The following HYCC1 variants were observed in gnomAD, a reference collection of about 807,000 sequenced individuals.
HYCC1 encodes the protein hyccin PI4KA lipid kinase complex subunit 1, also known as hyccin.
the HYCC1 span, among the ~76,000 whole-genome samples, chr7:22,898,605 T>C: frequency 2.3e-5 from 1 of 43,012 alleles, no homozygotes; most frequent in African/African-American, 9.9e-5. Flanking sequence ...TTTTCTTTTC[T>C]TTTTTTTTTT....
At chr7:22,953,864 C>T in the HYCC1 span, among the ~76,000 whole-genome samples, 6 of 151,714 alleles carry the variant, frequency 4.0e-5, no homozygotes, top group South Asian at 4.1e-4. Flanking sequence ...CAAAATGATA[C>T]TAAAAGTATT....
At chr7:22,932,874 T>C in the HYCC1 span, among the ~76,000 whole-genome samples, 2 of 152,158 alleles carry the variant, frequency 1.3e-5, no homozygotes, top group African/African-American at 4.8e-5. Context: ...TGTAGTTAGC[T>C]AAGTTGGAGT....
At chr7:22,936,962 C>G in the HYCC1 span, 1 of 152,080 alleles carries the variant, frequency 6.6e-6, no homozygotes, top group African/African-American at 2.4e-5. Flanking sequence ...TCAAACATGT[C>G]CTGTCTCATC....
At chr7:22,931,799 A>G in the HYCC1 span, among the ~76,000 whole-genome samples, 55 of 152,220 alleles carry the variant, frequency 3.6e-4, no homozygotes, top group Non-Finnish European at 7.3e-5. Flanking sequence ...GTGGCAGTAG[A>G]GCTGACTGAA....
the HYCC1 span, chr7:22,941,842 G>C: frequency 1.3e-5 from 2 of 152,270 alleles, no homozygotes; most frequent in South Asian, 2.1e-4. Context: ...TAAAGGACTA[G>C]AGAGTTTTAA....
chr7:23,001,392 AT>A, the HYCC1 span, among the ~76,000 whole-genome samples: 2 of 152,170 alleles, frequency 1.3e-5, no homozygotes, highest in Non-Finnish European at 2.9e-5. Context: ...TCACCATGCT[AT>A]CAGCAATCCC....
the HYCC1 span, among the ~76,000 whole-genome samples, chr7:22,978,708 G>A: frequency 6.6e-6 from 1 of 152,148 alleles, no homozygotes; most frequent in African/African-American, 2.4e-5. Context: ...CGCCTCCTGA[G>A]TTTATAATTT....
chr7:22,923,285 T>C, the HYCC1 span, among the ~76,000 whole-genome samples: 1 of 152,076 alleles, frequency 6.6e-6, no homozygotes, highest in African/African-American at 2.4e-5. Flanking sequence ...TATGTAGAAA[T>C]AAAACAACAT....
chr7:22,906,261 A>G, the HYCC1 span, among the ~76,000 whole-genome samples: 2 of 151,640 alleles, frequency 1.3e-5, no homozygotes, highest in Non-Finnish European at 2.9e-5. Flanking sequence ...TAAAAGCTAG[A>G]AAAAAATGGA....
chr7:22,975,369 A>G, the HYCC1 span, among the ~76,000 whole-genome samples: 1 of 152,230 alleles, frequency 6.6e-6, no homozygotes, highest in Non-Finnish European at 1.5e-5. Context: ...TCAGGAAATC[A>G]TACCATACAT....
At chr7:23,005,319 T>C in the HYCC1 span, among the ~76,000 whole-genome samples, 2 of 152,330 alleles carry the variant, frequency 1.3e-5, no homozygotes, top group East Asian at 1.9e-4. Context: ...TAATAACATC[T>C]GTCTTTTAGG....
chr7:22,983,415 C>T, the HYCC1 span, among the ~76,000 whole-genome samples: 1,401 of 152,102 alleles, frequency 9.2e-3, 5 homozygotes, highest in Non-Finnish European at 0.014. Context: ...AGGCACTAGC[C>T]GGGCTAAACT....
the HYCC1 span, among the ~76,000 whole-genome samples, chr7:22,913,628 C>G: frequency 2.0e-5 from 3 of 152,164 alleles, no homozygotes; most frequent in Non-Finnish European, 4.4e-5. Context: ...CCCTTGTGAC[C>G]CCTGCCCCTG....
At chr7:22,981,400 C>A in the HYCC1 span, among the ~76,000 whole-genome samples, 5 of 152,106 alleles carry the variant, frequency 3.3e-5, no homozygotes, top group African/African-American at 9.7e-5. Flanking sequence ...ATAATAATAT[C>A]AACTTGTTAG....
chr7:22,929,190 TC>T, the HYCC1 span, among the ~76,000 whole-genome samples: 1 of 152,092 alleles, frequency 6.6e-6, no homozygotes, highest in African/African-American at 2.4e-5. Flanking sequence ...AAAAATTAAT[TC>T]AAGATGGATT....
the HYCC1 span, among the ~76,000 whole-genome samples, chr7:22,974,297 A>G: frequency 6.6e-6 from 1 of 152,266 alleles, no homozygotes; most frequent in South Asian, 2.1e-4. Flanking sequence ...CCCTTTTGTT[A>G]AATAATGTTG....
the HYCC1 span, among the ~76,000 whole-genome samples, chr7:22,993,280 A>G: frequency 1.3e-5 from 2 of 152,204 alleles, no homozygotes; most frequent in Non-Finnish European, 2.9e-5. Context: ...TGAACAGTAA[A>G]CCATAAGGCT....
chr7:22,908,959 T>C, the HYCC1 span, among the ~76,000 whole-genome samples: 19 of 152,304 alleles, frequency 1.2e-4, no homozygotes, highest in South Asian at 3.9e-3. Flanking sequence ...GCATTAAGGC[T>C]CAGATGAGCT....
chr7:22,922,184 T>A, the HYCC1 span, among the ~76,000 whole-genome samples: 12 of 150,940 alleles, frequency 8.0e-5, no homozygotes, highest in Non-Finnish European at 8.9e-5. Flanking sequence ...AACTTTATGA[T>A]TAATAATATT....
Sources: gnomAD v4.1 joint callset for allele counts (sites outside exome capture counted in the v4.1 genomes callset) on GRCh38, gnomAD v4.1.1 for gene constraint, MANE v1.5 for transcripts, NCBI Gene and HGNC (gene_info 2026-07-23, HGNC 2026-07-21) for gene names.